Variants in CFAP54 observed in about 807,000 individuals in gnomAD.
The protein encoded by CFAP54 is cilia and flagella associated protein 54.
In CFAP54, 290 loss-of-function variants were observed where a neutral mutation model predicts 370.4. That is an observed-to-expected ratio of 0.78 (90% CI 0.71 to 0.86). The LOEUF is 0.86. Among genes scored for constraint, CFAP54 ranks in the 40% least tolerant of loss-of-function variants. The pLI is 0.00. For missense variants in CFAP54, 3,399 were observed against 3,528.7 expected, an observed-to-expected ratio of 0.96 and a Z score of 0.93; for synonymous variants, 1,206 against 1,236.5, an observed-to-expected ratio of 0.98 and a Z score of 0.52.
chr12:96,532,774 C>A (rs1413659957), intron 9 of CFAP54, among the ~76,000 whole-genome samples: 1 of 152,062 alleles, frequency 6.6e-6, no homozygotes. Context: ...GCATGTGCCA[C>A]CATACCTGGC....
intron 42 of CFAP54, 139 bp from the exon 43 acceptor site, chr12:96,688,777 C>T: frequency 4.4e-6 from 2 of 459,466 alleles, no homozygotes; most frequent in Non-Finnish European, 7.6e-6. Flanking sequence ...AATATATTTT[C>T]CTTCTATTTT....
rs1328049234 is a variant in CFAP54 at position 96,521,960 on chromosome 12, C to T, written c.1046C>T (p.Ala349Val). 1 of 1,533,096 alleles carries T rather than the reference C, an allele frequency of 6.5e-7. No individual in the cohort carries two copies. Among genetic ancestry groups the T allele is most frequent in the African/African-American group, 1.4e-5 (1 of 73,070 alleles). 95.0% of individuals were successfully genotyped at this position (1,533,096 alleles called of 1,614,324 possible). The change falls in exon 7 of 68, where the codon GCC (alanine) becomes GTC (valine). Residue 349 changes from alanine (A) to valine (V), a missense_variant. This residue lies in a region of CFAP54 where 559 missense variants were observed against 576.7 expected (regional missense o/e 0.97). Transcript: ENST00000524981. The stretch of plus-strand genomic sequence containing the variant: ...GAATCGCGAAGATATTTTCGAGAGG[C>T]CACAATGAAGGTATAAAAATTTCAT... ...QEESRRYFRE[A>V]TMKMAVMIFK...
At chr12:96,575,337 C>A (rs1018292793) in intron 19 of CFAP54, among the ~76,000 whole-genome samples, 1 of 152,080 alleles carries the variant, frequency 6.6e-6, no homozygotes, top group African/African-American at 2.4e-5. Flanking sequence ...TGTAGGCTGT[C>A]TTTTCACTTT....
intron 32 of CFAP54, among the ~76,000 whole-genome samples, chr12:96,632,230 G>A (rs1286792700): frequency 6.6e-6 from 1 of 151,860 alleles, no homozygotes; most frequent in African/African-American, 2.4e-5. Flanking sequence ...GCTTCTCCCA[G>A]TTTGTGGCTC....
intron 13 of CFAP54, chr12:96,540,190 C>G (rs562629178): frequency 6.6e-6 from 1 of 152,328 alleles, no homozygotes; most frequent in Admixed American, 6.5e-5. Flanking sequence ...GCAATCCCCA[C>G]CTCCCGGGTT....
chr12:96,797,651 T>C (rs927742953), intron 63 of CFAP54, among the ~76,000 whole-genome samples: 1 of 152,092 alleles, frequency 6.6e-6, no homozygotes, highest in East Asian at 1.9e-4. Flanking sequence ...CCATAAAGCC[T>C]GCTTTATCTG....
Position 96,677,366 on chromosome 12 carries a change from C to A in CFAP54, c.5564-2234C>A, listed in dbSNP as rs534800475. On this transcript the variant is annotated intron_variant, in intron 39 of 67. Coordinates refer to ENST00000524981, the MANE Select transcript of CFAP54 (RefSeq NM_001306084.2). ...CCCAGTCTATGGTAATTTCTCATAG[C>A]AGTTTCAACTGACTGAGATATTTGC... Among the ~76,000 whole-genome samples, 12 of 152,290 alleles carry A rather than the reference C, an allele frequency of 7.9e-5. No individual in the cohort carries two copies. The South Asian group carries it at 2.5e-3, about 32-fold the overall frequency.
At chr12:96,866,771 C>T (rs914477414) in intron 67 of CFAP54, among the ~76,000 whole-genome samples, 2 of 152,088 alleles carry the variant, frequency 1.3e-5, no homozygotes, top group African/African-American at 4.8e-5. Context: ...AAATAAGTTA[C>T]CCAGAAGTCA....
intron 66 of CFAP54, among the ~76,000 whole-genome samples, chr12:96,856,358 T>A (rs1216934071): frequency 6.6e-6 from 1 of 152,216 alleles, no homozygotes; most frequent in South Asian, 2.1e-4. Context: ...CCCCAGAAAA[T>A]GAATTTTTCT....
chr12:96,708,865 C>G, intron 48 of CFAP54, 62 bp downstream of exon 48: 3 of 1,290,538 alleles, frequency 2.3e-6, no homozygotes, highest in Non-Finnish European at 3.2e-6. Context: ...GTTCTCCCAG[C>G]CCCCACTAAT....
intron 26 of CFAP54, among the ~76,000 whole-genome samples, chr12:96,604,945 C>T (rs1895101): frequency 0.089 from 13,477 of 152,244 alleles, 784 homozygotes; most frequent in Middle Eastern, 0.14. Flanking sequence ...GGTGAGGTGA[C>T]GCCCTGCCCT....
chr12:96,727,098 A>C lies in CFAP54; in HGVS notation c.6965+6533A>C, dbSNP rs1957851333. The stretch of plus-strand genomic sequence containing the variant: ...GCTGGGGAGAGCTTTACTTCCAACT[A>C]TGTGGTCAATTTTGGAATAGGTGTG... On this transcript the variant is annotated intron_variant, in intron 50 of 67. Transcript: ENST00000524981. Among the ~76,000 whole-genome samples the C allele has an allele frequency of 2.6e-5, 4 of 152,030 alleles. No homozygotes were observed. In the South Asian group the frequency reaches 8.3e-4, roughly 32 times the overall value.
intron 60 of CFAP54, among the ~76,000 whole-genome samples, chr12:96,775,971 T>C (rs1343018012): frequency 1.3e-5 from 2 of 152,202 alleles, no homozygotes; most frequent in Admixed American, 1.3e-4. Flanking sequence ...CCTGATAGTA[T>C]TTTTCTTGTA....
intron 38 of CFAP54, among the ~76,000 whole-genome samples, 190 bp downstream of exon 38, chr12:96,658,536 C>T (rs537341348): frequency 6.6e-6 from 1 of 152,296 alleles, no homozygotes; most frequent in African/African-American, 2.4e-5. Flanking sequence ...AACTAAGTCC[C>T]TGTCCACAAG....
At chr12:96,629,172 T>A (rs1956577211) in intron 30 of CFAP54, among the ~76,000 whole-genome samples, 1 of 152,174 alleles carries the variant, frequency 6.6e-6, no homozygotes, top group Non-Finnish European at 1.5e-5. Flanking sequence ...CGTTACTTTA[T>A]TTTCAATCCA....
chr12:96,718,759 C>T (rs555458853), intron 49 of CFAP54, among the ~76,000 whole-genome samples: 1 of 152,238 alleles, frequency 6.6e-6, no homozygotes, highest in Non-Finnish European at 1.5e-5. Flanking sequence ...TATGATTCGG[C>T]TGGGCGCGGT....
chr12:96,857,042 AAGG>A (rs1486671223), intron 66 of CFAP54, among the ~76,000 whole-genome samples: 1 of 152,216 alleles, frequency 6.6e-6, no homozygotes, highest in African/African-American at 2.4e-5. Context: ...TGGCAGCAGC[AAGG>A]AGAAGTGCAG....
At chr12:96,726,207 G>C (rs1217623114) in intron 50 of CFAP54, among the ~76,000 whole-genome samples, 1 of 151,466 alleles carries the variant, frequency 6.6e-6, no homozygotes, top group Non-Finnish European at 1.5e-5. Context: ...AGTTAGGGAG[G>C]ATTCCCTCTT....
intron 39 of CFAP54, among the ~76,000 whole-genome samples, chr12:96,676,190 G>T (rs976002538): frequency 4.6e-5 from 7 of 152,132 alleles, no homozygotes; most frequent in African/African-American, 7.2e-5. Context: ...CCACACACAG[G>T]TTAAAATAGT....
Sources: gnomAD v4.1 joint callset for allele counts (sites outside exome capture counted in the v4.1 genomes callset) on GRCh38, gnomAD v4.1.1 for gene constraint, gnomAD v4.1.1 regional missense constraint, MANE v1.5 for transcripts, NCBI Gene and HGNC (gene_info 2026-07-23, HGNC 2026-07-21) for gene names.